FTCDNL1: variants seen among roughly 807,000 people sequenced by gnomAD.
FTCDNL1 encodes the protein formiminotransferase cyclodeaminase N-terminal like.
In FTCDNL1, 11 loss-of-function variants were observed where a neutral mutation model predicts 5.9. The observed-to-expected ratio is 1.87, with a 90% CI of 1.18 to 3.10. FTCDNL1 has a LOEUF of 3.10. FTCDNL1 is among the 30% of genes most tolerant of loss of function. The pLI, the probability that FTCDNL1 is intolerant of heterozygous loss-of-function variation, is 0.00. For synonymous variants in FTCDNL1, 58 were observed against 24.8 expected (o/e 2.34, Z -3.99); for missense variants, 115 against 65.5 (o/e 1.76, Z -2.61).
At chr2:199,710,208 T>G in the FTCDNL1 span, among the ~76,000 whole-genome samples, 4 of 152,148 alleles carry the variant, frequency 2.6e-5, no homozygotes, top group Non-Finnish European at 4.4e-5. Flanking sequence ...TTGTGCTTTT[T>G]GATGATTTCA....
chr2:199,739,995 A>T, the FTCDNL1 span, among the ~76,000 whole-genome samples: 1 of 152,076 alleles, frequency 6.6e-6, no homozygotes, highest in Non-Finnish European at 1.5e-5. Context: ...AAAGATGAAC[A>T]CTGCCCCCTG....
chr2:199,790,575 TAAGAA>T (rs1290845831), intron 3 of FTCDNL1, among the ~76,000 whole-genome samples: 4 of 151,636 alleles, frequency 2.6e-5, no homozygotes, highest in African/African-American at 7.3e-5. Context: ...CACAATTTGA[TAAGAA>T]AAGGATAAAA....
At chr2:199,808,578 T>G (rs1700853554), downstream of FTCDNL1, among the ~76,000 whole-genome samples, 1 of 152,158 alleles carries the variant, frequency 6.6e-6, no homozygotes, top group Non-Finnish European at 1.5e-5. Context: ...AAATAGGCCT[T>G]GCTCAAAGCC....
At chr2:199,836,221 A>C (rs1702728456) in intron 3 of FTCDNL1, among the ~76,000 whole-genome samples, 1 of 152,122 alleles carries the variant, frequency 6.6e-6, no homozygotes, top group African/African-American at 2.4e-5. Flanking sequence ...CTGGAGTACA[A>C]GTAGCACATC....
the FTCDNL1 span, among the ~76,000 whole-genome samples, chr2:199,705,056 C>T: frequency 6.6e-6 from 1 of 152,068 alleles, no homozygotes; most frequent in South Asian, 2.1e-4. Context: ...ACAGAAACTA[C>T]AAATGACAGC....
At chr2:199,838,603 C>T (rs959988659) in intron 3 of FTCDNL1, among the ~76,000 whole-genome samples, 6 of 152,130 alleles carry the variant, frequency 3.9e-5, no homozygotes, top group East Asian at 1.9e-4. Flanking sequence ...ATCCCACAGA[C>T]GCCTGATAGA....
chr2:199,803,477 T>C (rs1393932298), intron 3 of FTCDNL1, among the ~76,000 whole-genome samples: 1 of 151,928 alleles, frequency 6.6e-6, no homozygotes, highest in Non-Finnish European at 1.5e-5. Flanking sequence ...TTTGGTTTGG[T>C]TTGGTTTGTT....
intron 3 of FTCDNL1, among the ~76,000 whole-genome samples, chr2:199,763,878 G>A (rs901490629): frequency 3.3e-5 from 5 of 152,048 alleles, no homozygotes; most frequent in East Asian, 1.9e-4. Context: ...GTCTTGCTCC[G>A]TCACACAGGC....
intron 3 of FTCDNL1, among the ~76,000 whole-genome samples, chr2:199,836,985 C>T (rs1702789947): frequency 6.6e-6 from 1 of 152,166 alleles, no homozygotes; most frequent in South Asian, 2.1e-4. Flanking sequence ...CAGGTTGTAG[C>T]AGAGCCACAG....
intron 3 of FTCDNL1, among the ~76,000 whole-genome samples, chr2:199,782,175 C>CAA (rs1699399864): frequency 6.6e-6 from 1 of 152,164 alleles, no homozygotes; most frequent in African/African-American, 2.4e-5. Context: ...TGTGATAGTT[C>CAA]ACTCTCATGC....
chr2:199,830,921 C>G (rs755968922), intron 3 of FTCDNL1, among the ~76,000 whole-genome samples: 3 of 152,164 alleles, frequency 2.0e-5, no homozygotes, highest in Non-Finnish European at 2.9e-5. Flanking sequence ...AAAATGAGAT[C>G]AAGTGCAATT....
At chr2:199,664,385 C>G in the FTCDNL1 span, among the ~76,000 whole-genome samples, 1 of 152,160 alleles carries the variant, frequency 6.6e-6, no homozygotes, top group Non-Finnish European at 1.5e-5. Context: ...CTGAAGAACA[C>G]TTCTTTTTCC....
chr2:199,693,035 G>T, the FTCDNL1 span, among the ~76,000 whole-genome samples: 1 of 152,192 alleles, frequency 6.6e-6, no homozygotes, highest in Non-Finnish European at 1.5e-5. Context: ...ATTTCTTGCT[G>T]TATTTATTAG....
At chr2:199,846,464 G>T (rs538645446) in intron 2 of FTCDNL1, among the ~76,000 whole-genome samples, 50 of 152,264 alleles carry the variant, frequency 3.3e-4, no homozygotes, top group African/African-American at 1.1e-3. Context: ...AGTCTAAGAT[G>T]GTAGCTCCTT....
exon 4 of FTCDNL1, chr2:199,760,641 C>T (rs377115781): frequency 1.8e-6 from 1 of 551,476 alleles, no homozygotes. Flanking sequence ...ATGCAATATA[C>T]CCTCTATTTA....
chr2:199,825,347 C>T (rs893621308), intron 3 of FTCDNL1, among the ~76,000 whole-genome samples: 9 of 152,084 alleles, frequency 5.9e-5, no homozygotes, highest in Admixed American at 3.9e-4. Context: ...CAAGGTAAGC[C>T]GTACTAAAAG....
chr2:199,711,934 T>C, the FTCDNL1 span, among the ~76,000 whole-genome samples: 1 of 152,050 alleles, frequency 6.6e-6, no homozygotes, highest in Non-Finnish European at 1.5e-5. Flanking sequence ...GGAAAATACC[T>C]CAACCATCTG....
chr2:199,670,911 T>G, the FTCDNL1 span, among the ~76,000 whole-genome samples: 1 of 152,160 alleles, frequency 6.6e-6, no homozygotes, highest in Non-Finnish European at 1.5e-5. Flanking sequence ...CACATGACAG[T>G]AGCCTTGTGA....
At chr2:199,757,404 C>G (rs773804015), downstream of FTCDNL1, among the ~76,000 whole-genome samples, 1 of 152,170 alleles carries the variant, frequency 6.6e-6, no homozygotes, top group Non-Finnish European at 1.5e-5. Context: ...TTTTCTGCAG[C>G]TCCAGGCGGT....
Sources: gnomAD v4.1 joint callset for allele counts (sites outside exome capture counted in the v4.1 genomes callset) on GRCh38, gnomAD v4.1.1 for gene constraint, MANE v1.5 for transcripts, NCBI Gene and HGNC (gene_info 2026-07-23, HGNC 2026-07-21) for gene names.